Variants in APBA1 observed in about 807,000 individuals in gnomAD.
The protein encoded by APBA1 is amyloid-beta A4 precursor protein-binding family A member 1.
In APBA1, 55 loss-of-function variants were observed where a neutral mutation model predicts 86.6. That is an observed-to-expected ratio of 0.64 (90% CI 0.51 to 0.80). The LOEUF is 0.80. APBA1 is among the 30% of genes least tolerant of loss of function. The pLI is 0.00. For missense variants in APBA1, 1,090 were observed against 1,183.0 expected, an observed-to-expected ratio of 0.92 and a Z score of 1.15; for synonymous variants, 511 against 493.9, an observed-to-expected ratio of 1.03 and a Z score of -0.46.
chr9:69,630,825 C>T (rs911998275), intron 1 of APBA1, among the ~76,000 whole-genome samples: 14 of 152,178 alleles, frequency 9.2e-5, no homozygotes, highest in African/African-American at 3.1e-4. Flanking sequence ...TACGTGAAGG[C>T]TTTGGTTAAC....
At position 69,578,309 on chromosome 9, in the gene APBA1, A is replaced by C. The variant is rs117912458; in HGVS notation, c.-69-61030T>G. On this transcript the variant is annotated intron_variant, in intron 1 of 12. Coordinates refer to ENST00000265381, the MANE Select transcript of APBA1 (RefSeq NM_001163.4). Reference sequence around the variant, plus strand: ...CCCACAGACCCTGCCTCTCCAAGCCACAGCACAGCTGGCCACATGGTGGTT... The same window carrying C: ...CCCACAGACCCTGCCTCTCCAAGCCCCAGCACAGCTGGCCACATGGTGGTT... 8.0e-3 allele frequency among the ~76,000 whole-genome samples: 1,225 copies of C among 152,278 alleles called. 9 individuals are homozygous for C. Among genetic ancestry groups the C allele is most frequent in the Middle Eastern group, 0.041 (12 of 294 alleles).
At chr9:69,505,801 T>C (rs1835950630) in intron 2 of APBA1, among the ~76,000 whole-genome samples, 1 of 152,002 alleles carries the variant, frequency 6.6e-6, no homozygotes, top group Non-Finnish European at 1.5e-5. Flanking sequence ...GTGGATCACC[T>C]GAGGTCAGGA....
At chr9:69,475,170 G>A (rs1444122568) in intron 3 of APBA1, among the ~76,000 whole-genome samples, 1 of 152,188 alleles carries the variant, frequency 6.6e-6, no homozygotes, top group African/African-American at 2.4e-5. Context: ...CCCTTTCTCA[G>A]ACCCAGACAC....
intron 9 of APBA1, among the ~76,000 whole-genome samples, chr9:69,450,853 G>C (rs1045422188): frequency 1.3e-5 from 2 of 152,064 alleles, no homozygotes; most frequent in African/African-American, 4.8e-5. Context: ...TTGGACATAG[G>C]GACATGCATG....
chr9:69,457,209 G>T, intron 6 of APBA1, 70 bp from the exon 7 acceptor site: 1 of 1,208,122 alleles, frequency 8.3e-7, no homozygotes, highest in Non-Finnish European at 1.2e-6. Context: ...AAGGAGTAAG[G>T]TTAGCTCACA....
At chr9:69,606,854 C>T (rs1822486898) in intron 1 of APBA1, among the ~76,000 whole-genome samples, 1 of 152,060 alleles carries the variant, frequency 6.6e-6, no homozygotes, top group Non-Finnish European at 1.5e-5. Context: ...TCAGGCCATG[C>T]TGCTTCCTAA....
In APBA1 at chr9:69,606,769, G is replaced by C. The variant is rs556345276; in HGVS notation, c.-70+65384C>G. On this transcript the variant is annotated intron_variant, in intron 1 of 12. Transcript: ENST00000265381. ...GGCCTCCCAAAGTGCTGGGATTACA[G>C]GCTTGAGCCACCGTGCCTGGCCGGG... 2.0e-5 allele frequency among the ~76,000 whole-genome samples: 3 copies of C among 152,220 alleles called. No individual in the cohort carries two copies. In the South Asian group the frequency reaches 6.2e-4, roughly 32 times the overall value.
intron 1 of APBA1, among the ~76,000 whole-genome samples, chr9:69,615,342 A>C (rs1822678912): frequency 6.6e-6 from 1 of 152,206 alleles, no homozygotes; most frequent in Non-Finnish European, 1.5e-5. Context: ...GCTATCTGTG[A>C]GTGTTCTTAT....
At chr9:69,557,940 C>T (rs1196015778) in intron 1 of APBA1, among the ~76,000 whole-genome samples, 1 of 152,162 alleles carries the variant, frequency 6.6e-6, no homozygotes. Context: ...ACAAAGGTCA[C>T]ATTCATTAAT....
At chr9:69,468,072 T>G in intron 4 of APBA1, 104 bp from the exon 5 acceptor site, 1 of 1,430,748 alleles carries the variant, frequency 7.0e-7, no homozygotes, top group Non-Finnish European at 9.6e-7. Flanking sequence ...CTGGCACAGG[T>G]GAGGCAGAGC....
intron 1 of APBA1, among the ~76,000 whole-genome samples, chr9:69,671,664 A>G (rs1823950658): frequency 6.6e-6 from 1 of 152,048 alleles, no homozygotes; most frequent in South Asian, 2.1e-4. Context: ...CCCCTATCCC[A>G]CTGCCTCCCT....
intron 10 of APBA1, among the ~76,000 whole-genome samples, chr9:69,444,378 T>A (rs1834874564): frequency 6.6e-6 from 1 of 152,238 alleles, no homozygotes; most frequent in Non-Finnish European, 1.5e-5. Context: ...TGCTCTGGCC[T>A]TCTGCTCCTA....
intron 11 of APBA1, among the ~76,000 whole-genome samples, chr9:69,434,561 G>A (rs1834664984): frequency 6.6e-6 from 1 of 151,994 alleles, no homozygotes; most frequent in South Asian, 2.1e-4. Context: ...ACAAAAATTA[G>A]CCGGGCGTGG....
chr9:69,439,776 C>T (rs1043062788), intron 11 of APBA1, among the ~76,000 whole-genome samples: 2 of 152,226 alleles, frequency 1.3e-5, no homozygotes, highest in African/African-American at 4.8e-5. Flanking sequence ...GCCTTCTTCT[C>T]TCAACTCGTC....
At chr9:69,551,221 C>T (rs1246580058) in intron 1 of APBA1, among the ~76,000 whole-genome samples, 1 of 152,122 alleles carries the variant, frequency 6.6e-6, no homozygotes, top group Non-Finnish European at 1.5e-5. Flanking sequence ...CTTGTAACAG[C>T]ATATGTAGCT....
intron 1 of APBA1, among the ~76,000 whole-genome samples, chr9:69,660,321 A>G (rs965922370): frequency 1.3e-5 from 2 of 152,188 alleles, no homozygotes; most frequent in African/African-American, 4.8e-5. Flanking sequence ...AAATGCATGG[A>G]GTTCTGGCCC....
chr9:69,529,722 A>G (rs1397063885), intron 1 of APBA1, among the ~76,000 whole-genome samples: 5 of 152,098 alleles, frequency 3.3e-5, no homozygotes, highest in African/African-American at 9.7e-5. Context: ...AATTTGCTTT[A>G]TTAAAAATAA....
At chr9:69,667,306 C>T (rs1355045638) in intron 1 of APBA1, among the ~76,000 whole-genome samples, 1 of 152,060 alleles carries the variant, frequency 6.6e-6, no homozygotes, top group Non-Finnish European at 1.5e-5. Flanking sequence ...TGTCAAACTC[C>T]AATTATATAG....
In APBA1 at chr9:69,510,608, C is replaced by G. The variant is rs377030005; in HGVS notation, c.1200+5403G>C. On this transcript the variant is annotated intron_variant, in intron 2 of 12. Transcript: ENST00000265381. ...TATGGAACCAAAAAAGAGCCCGCAT[C>G]GCCAAGGCAATCCTAAGCCAAAAGA... Among the ~76,000 whole-genome samples the G allele has an allele frequency of 3.1e-3, 430 of 139,866 alleles. 25 individuals carry two copies. The highest frequency in any genetic ancestry group is 0.029 in the Admixed American group (396 of 13,560). 91.8% of individuals were successfully genotyped at this position (139,866 alleles called of 152,430 possible).
Sources: allele counts gnomAD v4.1 joint callset (sites outside exome capture counted in the v4.1 genomes callset), GRCh38; gene constraint gnomAD v4.1.1; transcripts MANE v1.5; gene names NCBI Gene and HGNC (gene_info 2026-07-23, HGNC 2026-07-21).